MGAT5: variants seen among roughly 807,000 people sequenced by gnomAD.
MGAT5 encodes alpha-1,6-mannosylglycoprotein 6-beta-N-acetylglucosaminyltransferase.
MGAT5 carries 30 observed loss-of-function variants against 94.3 expected under a neutral mutation model. That is an observed-to-expected ratio of 0.32 (90% CI 0.24 to 0.43). The LOEUF (loss-of-function observed/expected upper bound fraction) is 0.43, where lower values mean the gene tolerates loss of function less well. MGAT5 is among the 20% of genes least tolerant of loss of function. The pLI is 1.00. For synonymous variants in MGAT5, 310 were observed against 322.9 expected, an observed-to-expected ratio of 0.96 and a Z score of 0.43; for missense variants, 691 against 905.5, an observed-to-expected ratio of 0.76 and a Z score of 3.04.
At chr2:134,164,601 G>A (rs895792636) in intron 1 of MGAT5, among the ~76,000 whole-genome samples, 5 of 152,080 alleles carry the variant, frequency 3.3e-5, no homozygotes, top group African/African-American at 1.2e-4. Flanking sequence ...TTTTCTCTTA[G>A]TGCCTCTCAT....
chr2:134,336,349 C>T, intron 5 of MGAT5, 61 bp downstream of exon 5: 1 of 1,356,290 alleles, frequency 7.4e-7, no homozygotes, highest in Non-Finnish European at 1.0e-6. Flanking sequence ...CCAAGTGATA[C>T]ATGTGGAATC....
intron 10 of MGAT5, among the ~76,000 whole-genome samples, chr2:134,366,609 C>T (rs544133907): frequency 6.8e-4 from 104 of 152,256 alleles, no homozygotes; most frequent in African/African-American, 2.3e-3. Flanking sequence ...TGTAAAGTTG[C>T]GGCAGTAATA....
intron 11 of MGAT5, among the ~76,000 whole-genome samples, chr2:134,410,398 G>A (rs1053896301): frequency 1.3e-5 from 2 of 152,216 alleles, no homozygotes; most frequent in African/African-American, 4.8e-5. Flanking sequence ...TTATTTTGGT[G>A]TTTCCAAGTA....
At chr2:134,139,023 G>A (rs1172124971) in intron 1 of MGAT5, among the ~76,000 whole-genome samples, 4 of 152,212 alleles carry the variant, frequency 2.6e-5, no homozygotes, top group Non-Finnish European at 5.9e-5. Flanking sequence ...AGGCACAGAT[G>A]GAAGAACCTT....
chr2:134,429,993 A>G (rs1485884713), intron 14 of MGAT5, among the ~76,000 whole-genome samples: 2 of 152,224 alleles, frequency 1.3e-5, no homozygotes, highest in African/African-American at 2.4e-5. Context: ...GTCTACACCA[A>G]CCATGCTTAC....
chr2:134,120,428 C>T (rs1337589921), intron 1 of MGAT5: 3 of 326,454 alleles, frequency 9.2e-6, no homozygotes, highest in African/African-American at 2.2e-5. Context: ...TCGGCGCGGT[C>T]GGGGGCTTCC....
intron 1 of MGAT5, among the ~76,000 whole-genome samples, chr2:134,193,259 A>T (rs1679321062): frequency 1.3e-5 from 2 of 151,972 alleles, no homozygotes; most frequent in African/African-American, 2.4e-5. Flanking sequence ...AGCAGCTGGG[A>T]CTACAGGGAC....
intron 15 of MGAT5, among the ~76,000 whole-genome samples, chr2:134,444,022 AC>A (rs1685637355): frequency 6.6e-6 from 1 of 152,160 alleles, no homozygotes; most frequent in Non-Finnish European, 1.5e-5. Flanking sequence ...AAGGCAGGCC[AC>A]CTCCAGGCCA....
In MGAT5 at chr2:134,208,138, C is replaced by T. The variant is rs550758365; in HGVS notation, c.-142-46124C>T. Among the ~76,000 whole-genome samples the T allele has an allele frequency of 1.8e-4, 27 of 151,696 alleles. 1 individual carries two copies. Among genetic ancestry groups the T allele is most frequent in the Admixed American group, 1.6e-3 (24 of 15,254 alleles). On this transcript the variant is annotated intron_variant, in intron 1 of 16. Transcript: ENST00000409645. Reference sequence around the variant, plus strand: ...GAATCAGAGTTTTCAGACTCTTGGCCGAACTTTTTTTTTTTTTAAGCAGAC... The same window carrying T: ...GAATCAGAGTTTTCAGACTCTTGGCTGAACTTTTTTTTTTTTTAAGCAGAC...
intron 14 of MGAT5, among the ~76,000 whole-genome samples, chr2:134,439,031 C>T (rs1212112280): frequency 2.6e-5 from 4 of 152,144 alleles, no homozygotes; most frequent in Non-Finnish European, 4.4e-5. Context: ...ATCATAGGAA[C>T]ACATGAGTGG....
chr2:134,431,593 T>C (rs1684878756), intron 14 of MGAT5, among the ~76,000 whole-genome samples: 1 of 152,212 alleles, frequency 6.6e-6, no homozygotes, highest in Non-Finnish European at 1.5e-5. Flanking sequence ...GAGGTGTTCC[T>C]GGTATGAACA....
At chr2:134,389,998 T>A (rs374228215) in intron 10 of MGAT5, among the ~76,000 whole-genome samples, 2 of 152,200 alleles carry the variant, frequency 1.3e-5, no homozygotes, top group Admixed American at 1.3e-4. Flanking sequence ...CAATCCTTCC[T>A]GCAGTTTTTT....
intron 6 of MGAT5, 101 bp downstream of exon 6, chr2:134,338,521 T>C: frequency 7.7e-7 from 1 of 1,306,944 alleles, no homozygotes; most frequent in Non-Finnish European, 1.0e-6. Flanking sequence ...TCTCAAATGA[T>C]ATTCTCTCAG....
chr2:134,387,317 TATATA>T (rs1175232833), intron 10 of MGAT5, among the ~76,000 whole-genome samples: 2 of 47,904 alleles, frequency 4.2e-5, no homozygotes, highest in South Asian at 1.0e-3. Context: ...TATATATATA[TATATA>T]TATATATATA....
intron 1 of MGAT5, among the ~76,000 whole-genome samples, chr2:134,237,121 A>ATGTGTGTG (rs1283215466): frequency 8.1e-6 from 1 of 122,796 alleles, no homozygotes; most frequent in African/African-American, 2.9e-5. Flanking sequence ...TAGAAGGAGT[A>ATGTGTGTG]TATGTGTGTG....
At chr2:134,160,171 TTTA>T (rs143274643) in intron 1 of MGAT5, among the ~76,000 whole-genome samples, 10,814 of 151,916 alleles carry the variant, frequency 0.071, 839 homozygotes, top group African/African-American at 0.19. Flanking sequence ...TTTTAATTTT[TTTA>T]TTATTATTAT....
intron 11 of MGAT5, among the ~76,000 whole-genome samples, chr2:134,404,323 CCAAT>C (rs1683221593): frequency 6.6e-6 from 1 of 152,150 alleles, no homozygotes; most frequent in Admixed American, 6.5e-5. Context: ...TCTCAGTTGT[CCAAT>C]CATTATGTGA....
At chr2:134,302,729 TGTGTGTGTGTG>T in intron 2 of MGAT5, among the ~76,000 whole-genome samples, 1 of 91,674 alleles carries the variant, frequency 1.1e-5, no homozygotes, top group African/African-American at 3.6e-5. Context: ...TGTGTGTGTG[TGTGTGTGTGTG>T]TGTGTGTGTG....
chr2:134,154,337 T>C (rs1573756565), intron 1 of MGAT5, among the ~76,000 whole-genome samples: 1 of 152,180 alleles, frequency 6.6e-6, no homozygotes, highest in Admixed American at 6.5e-5. Context: ...CTGCGACTTA[T>C]TTATATAAGG....
Sources: gnomAD v4.1 joint callset for allele counts (sites outside exome capture counted in the v4.1 genomes callset) on GRCh38, gnomAD v4.1.1 for gene constraint, MANE v1.5 for transcripts, NCBI Gene and HGNC (gene_info 2026-07-23, HGNC 2026-07-21) for gene names.